The following PCSK9 variants were observed in gnomAD, a reference collection of about 807,000 sequenced individuals.
The protein encoded by PCSK9 is proprotein convertase subtilisin/kexin type 9, also known as convertase subtilisin/kexin type 9 preproprotein.
A neutral mutation model predicts 62.1 loss-of-function variants in PCSK9; 57 were observed. The observed-to-expected ratio is 0.92, with a 90% CI of 0.74 to 1.14. PCSK9 has a LOEUF of 1.14. Ranked by LOEUF, PCSK9 falls within the 50% of genes most tolerant of loss-of-function variation. The pLI is 0.00. For synonymous variants in PCSK9, 387 were observed against 409.4 expected (o/e 0.95, Z 0.66); for missense variants, 870 against 959.8 (o/e 0.91, Z 1.24).
In PCSK9 at chr1:55,039,784, C is replaced by G. The variant is rs545454601; in HGVS notation, c.-54C>G. On this transcript the variant is annotated 5_prime_UTR_variant, in exon 1 of 12. Coordinates refer to ENST00000302118, the MANE Select transcript of PCSK9 (RefSeq NM_174936.4). ...GGCTCAAGGCGCCGCCGGCGTGGACCGCGCACGGCCTCTAGGTCTCCTCGC... is the reference window on the plus strand; with the variant it reads ...GGCTCAAGGCGCCGCCGGCGTGGACGGCGCACGGCCTCTAGGTCTCCTCGC... 1.9e-6 allele frequency: 3 copies of G among 1,558,598 alleles called. No homozygotes were observed. In the African/African-American group the frequency reaches 4.0e-5, roughly 21 times the overall value.
intron 5 of PCSK9, 83 bp from the exon 6 acceptor site, chr1:55,055,910 C>A: frequency 1.5e-6 from 2 of 1,335,670 alleles, no homozygotes; most frequent in Non-Finnish European, 2.0e-6. Context: ...CCAAAATTAA[C>A]CATCACTCTG....
chr1:55,057,102 G>A (rs902209218), intron 6 of PCSK9, among the ~76,000 whole-genome samples: 1 of 152,162 alleles, frequency 6.6e-6, no homozygotes, highest in Non-Finnish European at 1.5e-5. Flanking sequence ...ACTCCACAGG[G>A]GCATTGGGAA....
In PCSK9 at chr1:55,052,679, C is replaced by T. The variant is rs1186303170; in HGVS notation, c.687C>T (p.His229=). The change falls in exon 5 of 12, where the codon CAC becomes CAT. Residue 229 remains histidine, a synonymous_variant. Coordinates refer to ENST00000302118, the MANE Select transcript of PCSK9 (RefSeq NM_174936.4). ...GCAAGTGTGACAGTCATGGCACCCA[C>T]CTGGCAGGGGTGGTCAGCGGCCGGG... ...QASKCDSHGT[H]LAGVVSGRDA... 1 of 1,613,078 alleles carries T rather than the reference C, an allele frequency of 6.2e-7. No individual in the cohort carries two copies. The highest frequency in any genetic ancestry group is 1.3e-5 in the African/African-American group (1 of 74,952).
chr1:55,052,929 A>C, intron 5 of PCSK9, 138 bp downstream of exon 5: 1 of 1,448,698 alleles, frequency 6.9e-7, no homozygotes, highest in Non-Finnish European at 9.4e-7. Context: ...AGAGAACCAG[A>C]GTGCCAAGGC....
intron 1 of PCSK9, among the ~76,000 whole-genome samples, chr1:55,041,707 C>T (rs1412221355): frequency 2.0e-5 from 3 of 152,172 alleles, no homozygotes; most frequent in African/African-American, 7.2e-5. Flanking sequence ...GAGAGGAGGT[C>T]ACCCCAGGTG....
At chr1:55,049,032 C>G (rs926683279) in intron 3 of PCSK9, among the ~76,000 whole-genome samples, 1 of 152,314 alleles carries the variant, frequency 6.6e-6, no homozygotes, top group East Asian at 1.9e-4. Flanking sequence ...GAAGATTAAT[C>G]CATTCCTTAA....
intron 5 of PCSK9, among the ~76,000 whole-genome samples, chr1:55,054,873 C>T (rs961340886): frequency 2.0e-5 from 3 of 152,238 alleles, no homozygotes; most frequent in Admixed American, 6.5e-5. Context: ...GGCGTGGTGG[C>T]AGGCGCCTGT....
chr1:55,058,234 A>G lies in PCSK9; in HGVS notation c.1354+25A>G, dbSNP rs764945034. On this transcript the variant is annotated intron_variant, in intron 8 of 11. Transcript: ENST00000302118. ...GGTAAGCAGGATGGCAGGGTGGGCA[A>G]GTCCAGGCTGGGGCTTGGGAGGTCT... 2.7e-5 allele frequency: 43 copies of G among 1,607,710 alleles called. No homozygotes were observed. In the East Asian group the frequency reaches 9.2e-4, roughly 34 times the overall value.
chr1:55,063,783 C>T lies in PCSK9; in HGVS notation c.*199C>T. On this transcript the variant is annotated 3_prime_UTR_variant, in exon 12 of 12. Coordinates refer to ENST00000302118, the MANE Select transcript of PCSK9 (RefSeq NM_174936.4). ...GGAACTCACTCACTCTGGGTGCCTC[C>T]TCCCCAGGTGGAGGTGCCAGGAAGC... 1 of 643,102 alleles carries T rather than the reference C, an allele frequency of 1.6e-6. No homozygotes were observed. The highest frequency in any genetic ancestry group is 2.0e-5 in the South Asian group (1 of 49,600). 39.8% of individuals were successfully genotyped at this position (643,102 alleles called of 1,614,324 possible). A position where few individuals can be genotyped will look rare whatever the true frequency, so the allele number is the denominator to read the frequency against.
chr1:55,046,790 C>T (rs1644638497), intron 3 of PCSK9, 144 bp downstream of exon 3: 2 of 869,782 alleles, frequency 2.3e-6, no homozygotes, highest in African/African-American at 3.4e-5. Flanking sequence ...TTTTCTGTCC[C>T]ATCCCCATCC....
chr1:55,040,367 G>T lies in PCSK9; in HGVS notation c.207+323G>T, dbSNP rs1317998077. Among the ~76,000 whole-genome samples the T allele has an allele frequency of 6.6e-6, 1 of 152,210 alleles. No homozygotes were observed. The highest frequency in any genetic ancestry group is 1.5e-5 in the Non-Finnish European group (1 of 68,036). ...GAGCAGAGCACTGCCAGGATATCCT[G>T]CCCAGATTTCCCAGTTTCTGCCTCG... On this transcript the variant is annotated intron_variant, in intron 1 of 11. Coordinates refer to ENST00000302118, the MANE Select transcript of PCSK9 (RefSeq NM_174936.4). The surrounding 1 kb of genome is among the most constrained non-coding windows in gnomAD (Gnocchi z 4.1).
rs754989640 is a variant in PCSK9 at position 55,061,605 on chromosome 1, T to C, written c.1863+49T>C. 3.4e-5 allele frequency: 53 copies of C among 1,549,550 alleles called. No homozygotes were observed. The South Asian group carries it at 3.9e-4, about 11-fold the overall frequency. On this transcript the variant is annotated intron_variant, in intron 11 of 11. Coordinates refer to ENST00000302118, the MANE Select transcript of PCSK9 (RefSeq NM_174936.4). ...TGGGTGGGGTGCTGCGTGTCTCTCC[T>C]GCACAGCTTTTCTGTGTCAGTTTGT... is the stretch of plus-strand genomic sequence containing the variant.
At chr1:55,058,917 T>A (rs771274473) in intron 9 of PCSK9, among the ~76,000 whole-genome samples, 2 of 152,190 alleles carry the variant, frequency 1.3e-5, no homozygotes, top group Non-Finnish European at 2.9e-5. Flanking sequence ...AATGCTCACC[T>A]GGGTGTGAGC....
At chr1:55,052,863 A>G in intron 5 of PCSK9, 72 bp downstream of exon 5, 1 of 1,606,008 alleles carries the variant, frequency 6.2e-7, no homozygotes, top group African/African-American at 1.3e-5. Flanking sequence ...GGCTGGGCCC[A>G]GGGAGAGCTA....
chr1:55,046,744 G>T, intron 3 of PCSK9, 98 bp downstream of exon 3: 1 of 1,462,628 alleles, frequency 6.8e-7, no homozygotes, highest in South Asian at 1.2e-5. Flanking sequence ...CACTTCTCGG[G>T]GGGCTTTGGG....
intron 3 of PCSK9, 61 bp downstream of exon 3, chr1:55,046,707 T>G: frequency 6.3e-7 from 1 of 1,598,026 alleles, no homozygotes; most frequent in African/African-American, 1.3e-5. Flanking sequence ...TGCTCTGCCC[T>G]GGCCTGGCCT....
chr1:55,057,423 C>T lies in PCSK9; in HGVS notation c.1089C>T (p.Ala363=), dbSNP rs756925724. 4 of 1,614,124 alleles carry T rather than the reference C, an allele frequency of 2.5e-6. No individual in the cohort carries two copies. The South Asian group carries it at 3.3e-5, about 13-fold the overall frequency. ...TTGGCCGCTGTGTGGACCTCTTTGCCCCAGGGGAGGACATCATTGGTGCCT... is the reference window on the plus strand; with the variant it reads ...TTGGCCGCTGTGTGGACCTCTTTGCTCCAGGGGAGGACATCATTGGTGCCT... ...TNFGRCVDLF[A]PGEDIIGASS... is the part of the protein sequence containing the mutation. The change falls in exon 7 of 12, where the codon GCC becomes GCT. Residue 363 remains alanine, a synonymous_variant. Transcript: ENST00000302118.
At position 55,061,397 on chromosome 1, in the gene PCSK9, G is replaced by A; in HGVS notation, c.1704G>A (p.Val568=). The change falls in exon 11 of 12, where the codon GTG becomes GTA. Residue 568 remains valine, a synonymous_variant. Coordinates refer to ENST00000302118, the MANE Select transcript of PCSK9 (RefSeq NM_174936.4). The part of the protein sequence containing the change: ...VLTGCSSHWE[V]EDLGTHKPPV... Reference sequence around the variant, plus strand: ...CAGGCTGCAGCTCCCACTGGGAGGTGGAGGACCTTGGCACCCACAAGCCGC... The same window carrying A: ...CAGGCTGCAGCTCCCACTGGGAGGTAGAGGACCTTGGCACCCACAAGCCGC... 6.2e-7 allele frequency: 1 copy of A among 1,609,578 alleles called. No homozygotes were observed. Among genetic ancestry groups the A allele is most frequent in the Non-Finnish European group, 8.5e-7 (1 of 1,178,808 alleles).
chr1:55,057,545 G>T, intron 7 of PCSK9, 31 bp downstream of exon 7: 1 of 1,585,624 alleles, frequency 6.3e-7, no homozygotes, highest in Non-Finnish European at 8.6e-7. Context: ...CTCGGCCACC[G>T]TGATGCTAAC....
Sources: allele counts gnomAD v4.1 joint callset (sites outside exome capture counted in the v4.1 genomes callset), GRCh38; gene constraint gnomAD v4.1.1; non-coding constraint Gnocchi (gnomAD v3.1); transcripts MANE v1.5; gene names NCBI Gene and HGNC (gene_info 2026-07-23, HGNC 2026-07-21).